RAPGEF3: variants seen among roughly 807,000 people sequenced by gnomAD.
RAPGEF3 encodes the protein 9330170P05Rik.
In RAPGEF3, 103 loss-of-function variants were observed where a neutral mutation model predicts 129.8. The ratio of observed to expected loss-of-function variants is 0.79; its 90% CI spans 0.68 to 0.93. The LOEUF (loss-of-function observed/expected upper bound fraction) is 0.93. Among genes scored for constraint, RAPGEF3 ranks in the 40% least tolerant of loss-of-function variants. The probability of loss-of-function intolerance (pLI) is 0.00; values close to 1 mark genes in which losing one functional copy is unlikely to be tolerated. For missense variants in RAPGEF3, 1,117 were observed against 1,207.4 expected, an observed-to-expected ratio of 0.93 and a Z score of 1.11; for synonymous variants, 436 against 482.6, an observed-to-expected ratio of 0.90 and a Z score of 1.26.
intron 24 of RAPGEF3, 146 bp from the exon 25 acceptor site, chr12:47,738,900 C>T: frequency 1.2e-6 from 1 of 801,514 alleles, no homozygotes. Context: ...AGCAGCATTT[C>T]CTTGTATCTC....
In RAPGEF3 at chr12:47,746,827, A is replaced by T. The variant is rs766248623; in HGVS notation, c.1596+33T>A. On this transcript the variant is annotated intron_variant, in intron 16 of 27. Transcript: ENST00000449771. ...AAGGAGGGGCCTGCAGTCCAGGAGGAGCAGAGGAAAGAAACTGGGGCCAGG... is the reference window on the plus strand; with the variant it reads ...AAGGAGGGGCCTGCAGTCCAGGAGGTGCAGAGGAAAGAAACTGGGGCCAGG... 1.6e-5 allele frequency: 25 copies of T among 1,571,684 alleles called. No homozygotes were observed. In the Admixed American group the frequency reaches 3.7e-4, roughly 23 times the overall value.
At chr12:47,753,003 CTG>C (rs1387135549) in intron 2 of RAPGEF3, among the ~76,000 whole-genome samples, 3 of 152,218 alleles carry the variant, frequency 2.0e-5, no homozygotes, top group Non-Finnish European at 4.4e-5. Flanking sequence ...ACCTGAGAAT[CTG>C]GGGTTTGTGG....
rs796121182 is a variant in RAPGEF3 at position 47,741,044 on chromosome 12, C to G, written c.1924-4G>C. 6.2e-7 allele frequency: 1 copy of G among 1,611,684 alleles called. No individual in the cohort carries two copies. Among genetic ancestry groups the G allele is most frequent in the Admixed American group, 1.7e-5 (1 of 59,726 alleles). On this transcript the variant is annotated splice_polypyrimidine_tract_variant and splice_region_variant and intron_variant, in intron 19 of 27. Coordinates refer to ENST00000449771, the MANE Select transcript of RAPGEF3 (RefSeq NM_001098531.4). ...CCAGCTGGTCAGGGTGTGGGATCTG[C>G]GGGTGGGAGAGTGCTCAGGGGGCTG... is the stretch of plus-strand genomic sequence containing the variant.
intron 23 of RAPGEF3, 51 bp downstream of exon 23, chr12:47,740,090 C>G: frequency 1.3e-6 from 2 of 1,578,506 alleles, no homozygotes; most frequent in South Asian, 1.1e-5. Flanking sequence ...AGGGCAGGGC[C>G]GAGCCCAGCT....
At chr12:47,745,043 C>T (rs898979428) in intron 16 of RAPGEF3, 2 of 152,884 alleles carry the variant, frequency 1.3e-5, no homozygotes, top group African/African-American at 4.8e-5. Flanking sequence ...AGCCATTCTC[C>T]CCAGCTCCAG....
chr12:47,741,716 C>G (rs1187410392), intron 18 of RAPGEF3, 114 bp from the exon 19 acceptor site: 1 of 881,496 alleles, frequency 1.1e-6, no homozygotes, highest in Admixed American at 2.0e-5. Flanking sequence ...CTCCTAGTAG[C>G]GGGGTTGAAG....
At chr12:47,745,378 A>AG (rs1941371925) in intron 16 of RAPGEF3, 2 of 152,214 alleles carry the variant, frequency 1.3e-5, no homozygotes, top group Non-Finnish European at 2.9e-5. Flanking sequence ...CCTTGGCTCA[A>AG]ACCCCTTTAA....
rs969128374 is a variant in RAPGEF3, at chr12:47,750,425, G to A, written c.672C>T (p.Pro224=). 3 of 1,612,686 alleles carry A rather than the reference G, an allele frequency of 1.9e-6. No homozygotes were observed. The highest frequency in any genetic ancestry group is 1.7e-5 in the Admixed American group (1 of 59,942). Residue 224 remains proline (P), a splice_region_variant and synonymous_variant, in exon 7 of 28, where the codon CCC becomes CCT. Transcript: ENST00000449771. ...GCTCTTCATCCGTGCGCTGACCTGG[G>A]CTGCAGGGACAGGAGGAATGGGAGC... is the stretch of plus-strand genomic sequence containing the variant. ...DALLTVALRK[P]PGQRTDEELD...
At chr12:47,757,391 G>A (rs1942137329) in intron 2 of RAPGEF3, among the ~76,000 whole-genome samples, 1 of 152,122 alleles carries the variant, frequency 6.6e-6, no homozygotes, top group Non-Finnish European at 1.5e-5. Context: ...GTACCAAGCA[G>A]TGTCCACATG....
At chr12:47,743,486 G>A (rs768686450) in intron 18 of RAPGEF3, 44 bp downstream of exon 18, 9 of 1,581,204 alleles carry the variant, frequency 5.7e-6, no homozygotes, top group Admixed American at 1.7e-5. Context: ...GCGCAGATCC[G>A]AGGGGCCACC....
rs775782963 is a variant in RAPGEF3 at position 47,740,876 on chromosome 12, C to G, written c.2049+39G>C. The stretch of plus-strand genomic sequence containing the variant: ...CGAGTGCTGAGCCGAGCCGGGCGCC[C>G]CGCCGCCTGCTCTCCTCCCCCAGCT... On this transcript the variant is annotated intron_variant, in intron 20 of 27. Coordinates refer to ENST00000449771, the MANE Select transcript of RAPGEF3 (RefSeq NM_001098531.4). The G allele has an allele frequency of 3.5e-5, 57 of 1,613,504 alleles. 1 individual carries two copies. The South Asian group carries it at 5.4e-4, about 15-fold the overall frequency.
rs749704777 is a variant in RAPGEF3, at chr12:47,740,144, C to T, written c.2370G>A (p.Leu790=). 54 of 1,612,678 alleles carry T rather than the reference C, an allele frequency of 3.3e-5. No individual in the cohort carries two copies. The South Asian group carries it at 4.3e-4, about 13-fold the overall frequency. Reference sequence around the variant, plus strand: ...CCGGGCAGGGTGGAGCACTCACCAGCAGCCTCTCGAGGGCGGAGTACAGCT... The same window carrying T: ...CCGGGCAGGGTGGAGCACTCACCAGTAGCCTCTCGAGGGCGGAGTACAGCT... The part of the protein sequence containing the change: ...VRKLYSALER[L]LDPSWNHRVY... Residue 790 remains leucine, a synonymous_variant, in exon 23 of 28, where the codon CTG becomes CTA. Coordinates refer to ENST00000449771, the MANE Select transcript of RAPGEF3 (RefSeq NM_001098531.4).
rs747203004 is a variant in RAPGEF3, at chr12:47,758,069, G to C, written c.16C>G (p.Pro6Ala). ...CCCACCTGCCAGCAGCTCTCACCTG[G>C]CCAGCCCACCTGTGACACGGGGAGG... MKVGW[P>A]GESCWQVGLA... The change falls in exon 2 of 28, where the codon CCA (proline) becomes GCA (alanine). Residue 6 changes from proline (P) to alanine (A), a missense_variant. Pro to Ala is a conservative substitution (Grantham distance 27). Coordinates refer to ENST00000449771, the MANE Select transcript of RAPGEF3 (RefSeq NM_001098531.4). 1 of 1,564,986 alleles carries C rather than the reference G, an allele frequency of 6.4e-7. No homozygotes were observed. The highest frequency in any genetic ancestry group is 1.9e-5 in the Admixed American group (1 of 53,468).
At position 47,749,853 on chromosome 12, in the gene RAPGEF3, C is replaced by T; in HGVS notation, c.818-36G>A. The T allele has an allele frequency of 1.2e-6, 2 of 1,614,060 alleles. No individual in the cohort carries two copies. The highest frequency in any genetic ancestry group is 1.7e-6 in the Non-Finnish European group (2 of 1,179,888). ...CATACCTCAGACCGGGCCCTCCTGG[C>T]ACCTACCATTCCTTCACACATCCTT... is the stretch of plus-strand genomic sequence containing the variant. On this transcript the variant is annotated intron_variant, in intron 8 of 27. Transcript: ENST00000449771. The surrounding 1 kb of genome is among the most constrained non-coding windows in gnomAD (Gnocchi z 4.5).
chr12:47,755,394 T>G (rs111445248), intron 2 of RAPGEF3, among the ~76,000 whole-genome samples: 10 of 152,276 alleles, frequency 6.6e-5, no homozygotes, highest in South Asian at 4.2e-4. Flanking sequence ...ACTACTATTA[T>G]TTGGATAGGT....
At chr12:47,747,674 C>T (rs750951412) in intron 14 of RAPGEF3, 38 bp downstream of exon 14, 23 of 1,612,278 alleles carry the variant, frequency 1.4e-5, no homozygotes, top group South Asian at 2.2e-5. Context: ...GCATCCACCC[C>T]GGGCAGCCCA....
chr12:47,743,906 G>A (rs1941290291), intron 17 of RAPGEF3, 81 bp downstream of exon 17: 1 of 1,474,442 alleles, frequency 6.8e-7, no homozygotes, highest in Non-Finnish European at 9.4e-7. Context: ...CCGAGGTCAA[G>A]AGTGACGACA....
intron 2 of RAPGEF3, 125 bp from the exon 3 acceptor site, chr12:47,752,094 A>G: frequency 2.0e-6 from 2 of 985,344 alleles, no homozygotes; most frequent in East Asian, 5.2e-5. Context: ...CCATGTGGCC[A>G]CTCCTTCAGC....
At position 47,749,630 on chromosome 12, in the gene RAPGEF3, A is replaced by G. The variant is rs950362809; in HGVS notation, c.895-94T>C. ...CCCACGGCAGGAGAACAACCCACAC[A>G]GGAGACACGGGGTCAGCAGCAGTAG... On this transcript the variant is annotated intron_variant, in intron 9 of 27. Coordinates refer to ENST00000449771, the MANE Select transcript of RAPGEF3 (RefSeq NM_001098531.4). This position sits in a 1 kb window ranked among gnomAD's most constrained non-coding sequence, Gnocchi z 4.5. The G allele has an allele frequency of 2.1e-5, 33 of 1,567,394 alleles. No individual in the cohort carries two copies. Among genetic ancestry groups the G allele is most frequent in the Non-Finnish European group, 2.8e-5 (32 of 1,156,122 alleles).
Sources: gnomAD v4.1 joint callset for allele counts (sites outside exome capture counted in the v4.1 genomes callset) on GRCh38, gnomAD v4.1.1 for gene constraint, Gnocchi (gnomAD v3.1) non-coding constraint, MANE v1.5 for transcripts, NCBI Gene and HGNC (gene_info 2026-07-23, HGNC 2026-07-21) for gene names.